DNAH11: variants seen among roughly 807,000 people sequenced by gnomAD.
DNAH11 encodes the protein dynein axonemal heavy chain 11.
In DNAH11, 442 loss-of-function variants were observed where a neutral mutation model predicts 526.0. The ratio of observed to expected loss-of-function variants is 0.84; its 90% CI spans 0.78 to 0.91. The LOEUF is 0.91. Among genes scored for constraint, DNAH11 ranks in the 40% least tolerant of loss-of-function variants. The pLI, the probability that DNAH11 is intolerant of heterozygous loss-of-function variation, is 0.00. For missense variants in DNAH11, 6,989 were observed against 5,448.7 expected (o/e 1.28, Z -8.90); for synonymous variants, 2,461 against 1,935.9 (o/e 1.27, Z -7.12).
chr7:21,559,035 A>G (rs1469408882), intron 3 of DNAH11, 37 bp downstream of exon 3: 2 of 1,530,104 alleles, frequency 1.3e-6, no homozygotes, highest in African/African-American at 2.8e-5. Flanking sequence ...ATATTAAAGT[A>G]GAGAGCCAGG....
intron 21 of DNAH11, among the ~76,000 whole-genome samples, chr7:21,615,834 G>A (rs906456291): frequency 6.6e-6 from 1 of 152,028 alleles, no homozygotes; most frequent in African/African-American, 2.4e-5. Flanking sequence ...TGAGAGTTTT[G>A]TTTATAATGG....
At chr7:21,883,636 C>T (rs1268235939) in intron 75 of DNAH11, among the ~76,000 whole-genome samples, 1 of 152,212 alleles carries the variant, frequency 6.6e-6, no homozygotes. Flanking sequence ...AAAAACATGT[C>T]ATACTTCAAA....
intron 21 of DNAH11, 132 bp downstream of exon 21, chr7:21,615,404 C>A: frequency 2.1e-6 from 2 of 950,514 alleles, no homozygotes; most frequent in Non-Finnish European, 2.9e-6. Context: ...CTCACCCCAG[C>A]CCCAAATTAG....
chr7:21,793,505 A>G (rs1376640480), intron 61 of DNAH11, among the ~76,000 whole-genome samples: 2 of 151,958 alleles, frequency 1.3e-5, no homozygotes, highest in Non-Finnish European at 2.9e-5. Flanking sequence ...AGTCCCAGCT[A>G]CTCAGAAGGC....
At chr7:21,734,893 CGG>C (rs1447133031) in intron 45 of DNAH11, among the ~76,000 whole-genome samples, 44 of 151,646 alleles carry the variant, frequency 2.9e-4, no homozygotes, top group Non-Finnish European at 4.6e-4. Context: ...CACAATCAAC[CGG>C]GTGCAGTGGC....
chr7:21,821,248 A>G (rs573627561), intron 65 of DNAH11, among the ~76,000 whole-genome samples: 1 of 150,816 alleles, frequency 6.6e-6, no homozygotes, highest in Non-Finnish European at 1.5e-5. Context: ...AGGTTGAGGT[A>G]CTTCTTTAAC....
chr7:21,640,220 A>G (rs1025512017), intron 28 of DNAH11, among the ~76,000 whole-genome samples: 2 of 152,202 alleles, frequency 1.3e-5, no homozygotes, highest in African/African-American at 4.8e-5. Flanking sequence ...AATCTACTAT[A>G]TCCGTCTTTT....
chr7:21,658,788 G>T lies in DNAH11; in HGVS notation c.5095-10G>T. 6.4e-7 allele frequency: 1 copy of T among 1,554,420 alleles called. No homozygotes were observed. The highest frequency in any genetic ancestry group is 8.7e-7 in the Non-Finnish European group (1 of 1,147,570). ...AGCCTGTGTTATAACATTTCAACTT[G>T]CTTCCAAAGGTGGAAACATGGCTTC... On this transcript the variant is annotated splice_polypyrimidine_tract_variant and intron_variant, in intron 29 of 81. Transcript: ENST00000409508.
At chr7:21,714,239 C>T (rs981559047) in intron 42 of DNAH11, among the ~76,000 whole-genome samples, 2 of 152,204 alleles carry the variant, frequency 1.3e-5, no homozygotes, top group Non-Finnish European at 1.5e-5. Flanking sequence ...AGTTAAACAA[C>T]TCTGTCTTCA....
At chr7:21,761,749 C>A (rs1008363766) in intron 54 of DNAH11, among the ~76,000 whole-genome samples, 89 of 152,262 alleles carry the variant, frequency 5.8e-4, no homozygotes, top group African/African-American at 2.0e-3. Flanking sequence ...TTGTGAGGAT[C>A]CTTATTTAAG....
At chr7:21,801,671 G>A (rs1789001376) in intron 62 of DNAH11, among the ~76,000 whole-genome samples, 2 of 152,060 alleles carry the variant, frequency 1.3e-5, no homozygotes, top group African/African-American at 2.4e-5. Context: ...AATAAAGCAT[G>A]TTTTTCTTAA....
intron 28 of DNAH11, 25 bp from the exon 29 acceptor site, chr7:21,655,807 A>G (rs776675031): frequency 6.2e-7 from 1 of 1,602,068 alleles, no homozygotes; most frequent in Non-Finnish European, 8.5e-7. Context: ...AAATGTTCTT[A>G]TCTTTTCTAA....
At chr7:21,843,001 C>T (rs912542892) in intron 66 of DNAH11, among the ~76,000 whole-genome samples, 6 of 152,078 alleles carry the variant, frequency 3.9e-5, no homozygotes, top group Non-Finnish European at 7.4e-5. Context: ...AAGAGGCATA[C>T]GAGTCATGTA....
chr7:21,560,653 C>T (rs1355694917), intron 4 of DNAH11, among the ~76,000 whole-genome samples: 8 of 152,174 alleles, frequency 5.3e-5, no homozygotes, highest in African/African-American at 1.9e-4. Context: ...CTTCTCCTGC[C>T]TGCTCTATTC....
intron 6 of DNAH11, among the ~76,000 whole-genome samples, chr7:21,566,344 C>T (rs546875128): frequency 5.4e-4 from 82 of 152,182 alleles, no homozygotes; most frequent in Non-Finnish European, 7.1e-4. Flanking sequence ...ATTCTATGAA[C>T]GGCAGATTTC....
intron 65 of DNAH11, among the ~76,000 whole-genome samples, chr7:21,820,187 C>T (rs1203608042): frequency 2.6e-5 from 4 of 152,088 alleles, no homozygotes; most frequent in Admixed American, 2.6e-4. Context: ...TTGAGTAAAC[C>T]TTCTCTGAGC....
At chr7:21,640,755 A>G (rs1200628214) in intron 28 of DNAH11, among the ~76,000 whole-genome samples, 1 of 152,108 alleles carries the variant, frequency 6.6e-6, no homozygotes, top group Non-Finnish European at 1.5e-5. Flanking sequence ...AAAGCAACTC[A>G]GCATATTCTA....
chr7:21,746,173 A>G (rs1295616142), intron 51 of DNAH11, among the ~76,000 whole-genome samples: 1 of 152,220 alleles, frequency 6.6e-6, no homozygotes, highest in Non-Finnish European at 1.5e-5. Flanking sequence ...TGCTGTGTAG[A>G]AAGTTGATCA....
At chr7:21,749,599 T>A in intron 52 of DNAH11, 79 bp from the exon 53 acceptor site, 26 of 1,561,850 alleles carry the variant, frequency 1.7e-5, no homozygotes, top group Non-Finnish European at 2.0e-5. Flanking sequence ...GTTACTGAGT[T>A]CTCCCCAGCA....
Sources: allele counts gnomAD v4.1 joint callset (sites outside exome capture counted in the v4.1 genomes callset), GRCh38; gene constraint gnomAD v4.1.1; transcripts MANE v1.5; gene names NCBI Gene and HGNC (gene_info 2026-07-23, HGNC 2026-07-21).